HIBADH: variants seen among roughly 807,000 people sequenced by gnomAD.
HIBADH encodes the protein 3-hydroxyisobutyrate dehydrogenase, mitochondrial.
A neutral mutation model predicts 36.1 loss-of-function variants in HIBADH; 25 were observed. That is an observed-to-expected ratio of 0.69 (90% confidence interval 0.50 to 0.97). HIBADH has a LOEUF of 0.97. Among genes scored for constraint, HIBADH ranks in the 50% least tolerant of loss-of-function variants. HIBADH has a pLI of 0.00. For synonymous variants in HIBADH, 160 were observed against 149.5 expected (o/e 1.07, Z -0.51); for missense variants, 421 against 418.0 (o/e 1.01, Z -0.06).
intron 1 of HIBADH, among the ~76,000 whole-genome samples, chr7:27,662,326 G>T (rs1781442116): frequency 6.6e-6 from 1 of 152,144 alleles, no homozygotes; most frequent in African/African-American, 2.4e-5. Flanking sequence ...GGTCGCTGGG[G>T]TGAGTGCGGG....
intron 4 of HIBADH, among the ~76,000 whole-genome samples, chr7:27,583,342 G>T (rs543692252): frequency 9.2e-5 from 14 of 152,014 alleles, no homozygotes; most frequent in African/African-American, 3.1e-4. Context: ...ATTCAGACTT[G>T]GCCAATGTTA....
chr7:27,547,476 G>A (rs553800622), intron 4 of HIBADH, among the ~76,000 whole-genome samples: 1 of 152,260 alleles, frequency 6.6e-6, no homozygotes, highest in East Asian at 1.9e-4. Context: ...CATGAGGGCA[G>A]TGATTGTTGG....
chr7:27,600,889 T>C lies in HIBADH; in HGVS notation c.484+28482A>G, dbSNP rs561120633. On this transcript the variant is annotated intron_variant, in intron 4 of 7. Transcript: ENST00000265395. ...ACAATCTTATTTGGTGCAAGAAATCTATGAGTTATGAAGCCAGACTTACCA... is the reference window on the plus strand; with the variant it reads ...ACAATCTTATTTGGTGCAAGAAATCCATGAGTTATGAAGCCAGACTTACCA... 7.2e-5 allele frequency among the ~76,000 whole-genome samples: 11 copies of C among 152,266 alleles called. 1 individual carries two copies. In the East Asian group the frequency reaches 1.2e-3, roughly 16 times the overall value.
At chr7:27,595,318 A>T (rs1583587485) in intron 4 of HIBADH, among the ~76,000 whole-genome samples, 1 of 152,114 alleles carries the variant, frequency 6.6e-6, no homozygotes, top group Non-Finnish European at 1.5e-5. Flanking sequence ...GGAGTTCGAG[A>T]CCAGCCTGGC....
At position 27,553,012 on chromosome 7, in the gene HIBADH, T is replaced by C. The variant is rs150769275; in HGVS notation, c.485-9912A>G. Among the ~76,000 whole-genome samples the C allele has an allele frequency of 4.5e-3, 692 of 152,324 alleles. 6 individuals carry two copies. Among genetic ancestry groups the C allele is most frequent in the African/African-American group, 0.016 (661 of 41,578 alleles). On this transcript the variant is annotated intron_variant, in intron 4 of 7. Coordinates refer to ENST00000265395, the MANE Select transcript of HIBADH (RefSeq NM_152740.4). Reference sequence around the variant, plus strand: ...TCTCTTTTTTTAGAAGAGATACCTATATACGATTGTGAAACATCTTAATAA... The same window carrying C: ...TCTCTTTTTTTAGAAGAGATACCTACATACGATTGTGAAACATCTTAATAA...
At chr7:27,585,173 ATG>A (rs979587196) in intron 4 of HIBADH, among the ~76,000 whole-genome samples, 6 of 152,018 alleles carry the variant, frequency 3.9e-5, no homozygotes, top group East Asian at 3.8e-4. Flanking sequence ...ATATGTATAT[ATG>A]TGTGTATATA....
rs527833524 is a variant in HIBADH at position 27,575,117 on chromosome 7, A to G, written c.485-32017T>C. Among the ~76,000 whole-genome samples the G allele has an allele frequency of 7.2e-5, 11 of 152,346 alleles. No individual in the cohort carries two copies. The South Asian group carries it at 2.3e-3, about 32-fold the overall frequency. The stretch of plus-strand genomic sequence containing the variant: ...AATTATTTTACTTTTCCCAGAATAA[A>G]ATTAGAAAGCCAGATACTCTGCCAA... On this transcript the variant is annotated intron_variant, in intron 4 of 7. Transcript: ENST00000265395.
chr7:27,536,032 T>G lies in HIBADH; in HGVS notation c.695+2309A>C, dbSNP rs148203729. ...CAGAATATAAATGTGGCTACACCAT[T>G]TTGATGCTATACTACTTTGCGGGAA... On this transcript the variant is annotated intron_variant, in intron 6 of 7. Coordinates refer to ENST00000265395, the MANE Select transcript of HIBADH (RefSeq NM_152740.4). 7.9e-5 allele frequency among the ~76,000 whole-genome samples: 12 copies of G among 152,284 alleles called. No individual in the cohort carries two copies. The East Asian group carries it at 2.3e-3, about 29-fold the overall frequency.
rs1562659124 is a variant in HIBADH, at chr7:27,649,554, AT to A, written c.170del (p.Asn57IlefsTer3). ...LGNMGNPMAKNLMKHGYPLII... is the reference protein window; with the variant it reads ...LGNMGNPMAKXLMKHGYPLII... ...TAAGTGGATAGCCATGTTTCATGAG[AT>A]TTTTTGCCATTGGATTCCCCATGTT... On this transcript the variant is annotated frameshift_variant, in exon 2 of 8. Transcript: ENST00000265395. LOFTEE classifies it high-confidence loss of function. 3 of 1,613,800 alleles carry A rather than the reference AT, an allele frequency of 1.9e-6. No individual in the cohort carries two copies. The highest frequency in any genetic ancestry group is 2.7e-5 in the African/African-American group (2 of 74,896).
chr7:27,572,359 C>CA (rs1784642843), intron 4 of HIBADH, among the ~76,000 whole-genome samples: 1 of 152,126 alleles, frequency 6.6e-6, no homozygotes, highest in Non-Finnish European at 1.5e-5. Context: ...CCTAGTCTAC[C>CA]ATATTGCCAG....
intron 7 of HIBADH, among the ~76,000 whole-genome samples, chr7:27,530,474 T>A (rs1407953538): frequency 1.3e-5 from 2 of 152,136 alleles, no homozygotes; most frequent in Non-Finnish European, 2.9e-5. Context: ...CCCAAAATGC[T>A]GGGATTAAAG....
At chr7:27,635,021 G>A (rs1406239061) in intron 2 of HIBADH, among the ~76,000 whole-genome samples, 2 of 152,054 alleles carry the variant, frequency 1.3e-5, no homozygotes, top group Non-Finnish European at 2.9e-5. Context: ...TGTCACCACT[G>A]TACTGGCCAC....
intron 7 of HIBADH, among the ~76,000 whole-genome samples, chr7:27,526,746 A>G (rs886207938): frequency 6.6e-6 from 1 of 152,242 alleles, no homozygotes; most frequent in Non-Finnish European, 1.5e-5. Flanking sequence ...AAAACAGGAA[A>G]TACAGTTGCA....
intron 1 of HIBADH, among the ~76,000 whole-genome samples, chr7:27,652,313 A>T (rs1042103163): frequency 1.3e-5 from 2 of 148,394 alleles, no homozygotes; most frequent in Admixed American, 6.7e-5. Context: ...GATTAAGATT[A>T]AAAAAAAAAT....
At chr7:27,558,894 GT>G (rs1168518827) in intron 4 of HIBADH, among the ~76,000 whole-genome samples, 1 of 152,120 alleles carries the variant, frequency 6.6e-6, no homozygotes, top group African/African-American at 2.4e-5. Context: ...ATATTTTCAA[GT>G]TTGAAATGGT....
chr7:27,531,452 A>ATGTC, intron 6 of HIBADH, 104 bp from the exon 7 acceptor site: 1 of 1,021,578 alleles, frequency 9.8e-7, no homozygotes, highest in South Asian at 2.0e-5. Context: ...CATTTATTAT[A>ATGTC]TGTCTTCTAA....
chr7:27,636,060 T>C (rs1785836157), intron 2 of HIBADH, among the ~76,000 whole-genome samples: 1 of 152,166 alleles, frequency 6.6e-6, no homozygotes, highest in Admixed American at 6.5e-5. Context: ...AAAATCTGTT[T>C]AATAACAAAA....
chr7:27,549,930 A>G (rs1784294472), intron 4 of HIBADH, among the ~76,000 whole-genome samples: 1 of 152,144 alleles, frequency 6.6e-6, no homozygotes, highest in South Asian at 2.1e-4. Flanking sequence ...TCTTTTTGAG[A>G]TGGAGTCTCG....
intron 4 of HIBADH, among the ~76,000 whole-genome samples, chr7:27,604,266 AAC>A (rs1324495063): frequency 2.6e-5 from 4 of 152,160 alleles, no homozygotes; most frequent in African/African-American, 9.6e-5. Context: ...TAACTAGAAA[AAC>A]AGTCATTGTA....
Sources: gnomAD v4.1 joint callset for allele counts (sites outside exome capture counted in the v4.1 genomes callset) on GRCh38, gnomAD v4.1.1 for gene constraint, MANE v1.5 for transcripts, NCBI Gene and HGNC (gene_info 2026-07-23, HGNC 2026-07-21) for gene names.